PTPRG: variants seen among roughly 807,000 people sequenced by gnomAD.
The protein encoded by PTPRG is receptor-type tyrosine-protein phosphatase gamma.
A neutral mutation model predicts 165.3 loss-of-function variants in PTPRG; 102 were observed. That is an observed-to-expected ratio of 0.62 (90% CI 0.53 to 0.73). PTPRG has a LOEUF of 0.73. Among genes scored for constraint, PTPRG ranks in the 30% least tolerant of loss-of-function variants. PTPRG has a pLI of 0.00. For synonymous variants in PTPRG, 675 were observed against 669.5 expected, an observed-to-expected ratio of 1.01 and a Z score of -0.13; for missense variants, 1,866 against 1,861.4, an observed-to-expected ratio of 1.00 and a Z score of -0.05.
chr3:62,016,808 C>A (rs775242906), intron 4 of PTPRG, among the ~76,000 whole-genome samples: 1 of 152,112 alleles, frequency 6.6e-6, no homozygotes, highest in African/African-American at 2.4e-5. Context: ...CCCTCATTCA[C>A]CCCCACACTT....
chr3:62,053,045 T>C (rs1700513478), intron 4 of PTPRG, among the ~76,000 whole-genome samples: 1 of 152,122 alleles, frequency 6.6e-6, no homozygotes, highest in South Asian at 2.1e-4. Flanking sequence ...CCATTCGCTT[T>C]TCCAGTTTCA....
chr3:61,678,919 CTG>C (rs1286862542), intron 1 of PTPRG, among the ~76,000 whole-genome samples: 2 of 152,084 alleles, frequency 1.3e-5, no homozygotes, highest in Non-Finnish European at 2.9e-5. Flanking sequence ...ATTAGTATCT[CTG>C]TATTATGTGC....
chr3:62,286,822 T>TTAAATGCAAATCCA (rs1702682324), intron 28 of PTPRG, among the ~76,000 whole-genome samples: 1 of 152,152 alleles, frequency 6.6e-6, no homozygotes, highest in Admixed American at 6.5e-5. Context: ...CCCTGTAGTT[T>TTAAATGCAAATCCA]TAAATGCAAA....
At chr3:62,143,327 G>A (rs1247827482) in intron 6 of PTPRG, among the ~76,000 whole-genome samples, 1 of 152,096 alleles carries the variant, frequency 6.6e-6, no homozygotes, top group Non-Finnish European at 1.5e-5. Context: ...AGCGACTTTT[G>A]GGAAAAATGA....
chr3:61,679,003 CTAAGT>C (rs950798587), intron 1 of PTPRG, among the ~76,000 whole-genome samples: 10 of 151,918 alleles, frequency 6.6e-5, no homozygotes, highest in African/African-American at 2.2e-4. Flanking sequence ...GACAGTCATC[CTAAGT>C]TAAGTTTATT....
intron 1 of PTPRG, chr3:61,742,849 A>T: frequency 1.3e-6 from 2 of 1,580,476 alleles, no homozygotes; most frequent in Non-Finnish European, 1.7e-6. Context: ...CAGCGCCTCG[A>T]TGTCCATGTG....
chr3:61,953,207 A>G (rs1265922412), intron 2 of PTPRG, among the ~76,000 whole-genome samples: 1 of 152,136 alleles, frequency 6.6e-6, no homozygotes, highest in Non-Finnish European at 1.5e-5. Flanking sequence ...CTTAGCTTTA[A>G]TCACTTCCTT....
At chr3:61,837,209 G>A (rs1323578666) in intron 2 of PTPRG, among the ~76,000 whole-genome samples, 2 of 152,112 alleles carry the variant, frequency 1.3e-5, no homozygotes, top group Admixed American at 1.3e-4. Flanking sequence ...CACTGGACCT[G>A]GTTAATTTTT....
intron 2 of PTPRG, among the ~76,000 whole-genome samples, chr3:61,805,530 CAAAA>C (rs58646519): frequency 5.1e-4 from 49 of 96,518 alleles, no homozygotes; most frequent in African/African-American, 1.4e-3. Flanking sequence ...ATGGGAAAGA[CAAAA>C]AAAAAAAAAA....
chr3:61,839,359 C>T (rs1335191904), intron 2 of PTPRG, among the ~76,000 whole-genome samples: 1 of 152,160 alleles, frequency 6.6e-6, no homozygotes, highest in Non-Finnish European at 1.5e-5. Context: ...AGAGACTATT[C>T]TATGATACTG....
chr3:62,064,326 CTA>C (rs1012315686), intron 4 of PTPRG, among the ~76,000 whole-genome samples: 2 of 152,154 alleles, frequency 1.3e-5, no homozygotes, highest in Admixed American at 1.3e-4. Flanking sequence ...AGGACACAAA[CTA>C]TACTGAGTTG....
intron 1 of PTPRG, among the ~76,000 whole-genome samples, chr3:61,583,881 A>G (rs1575518171): frequency 6.6e-6 from 1 of 152,126 alleles, no homozygotes; most frequent in African/African-American, 2.4e-5. Context: ...TTTAATGCCT[A>G]CGTTAACCAA....
intron 4 of PTPRG, among the ~76,000 whole-genome samples, chr3:62,032,754 A>G (rs773454000): frequency 2.1e-4 from 32 of 152,350 alleles, no homozygotes; most frequent in Non-Finnish European, 2.8e-4. Flanking sequence ...TTGGATCTAA[A>G]TATATTTTTT....
At chr3:61,951,904 G>A (rs1337399439) in intron 2 of PTPRG, among the ~76,000 whole-genome samples, 1 of 152,108 alleles carries the variant, frequency 6.6e-6, no homozygotes, top group East Asian at 1.9e-4. Flanking sequence ...CAGATCACGA[G>A]GTCAGGAGAT....
chr3:61,882,055 A>G (rs1052217931), intron 2 of PTPRG, among the ~76,000 whole-genome samples: 1 of 152,236 alleles, frequency 6.6e-6, no homozygotes, highest in Non-Finnish European at 1.5e-5. Flanking sequence ...ATTGACTCCT[A>G]GTTACATGCC....
intron 8 of PTPRG, among the ~76,000 whole-genome samples, chr3:62,184,770 T>C (rs1427954023): frequency 6.6e-6 from 1 of 152,208 alleles, no homozygotes; most frequent in Non-Finnish European, 1.5e-5. Context: ...CAGTTTCATC[T>C]GTGTTGACAG....
chr3:62,000,421 C>G (rs778884836), intron 3 of PTPRG, among the ~76,000 whole-genome samples: 1 of 152,110 alleles, frequency 6.6e-6, no homozygotes, highest in Non-Finnish European at 1.5e-5. Flanking sequence ...AAGAACGGTG[C>G]AGACCTAGGC....
In PTPRG at chr3:61,720,084, G is replaced by A. The variant is rs74532257; in HGVS notation, c.86-28794G>A. ...CTTGTTCATTATTTATCCCTCCTCCGTCCTGCTTAGGGGGTAAACACCATG... is the reference window on the plus strand; with the variant it reads ...CTTGTTCATTATTTATCCCTCCTCCATCCTGCTTAGGGGGTAAACACCATG... On this transcript the variant is annotated intron_variant, in intron 1 of 29. Transcript: ENST00000474889. Among the ~76,000 whole-genome samples the A allele has an allele frequency of 7.0e-3, 1,060 of 150,748 alleles. 17 individuals are homozygous for A. Among genetic ancestry groups the A allele is most frequent in the South Asian group, 0.028 (134 of 4,750 alleles).
chr3:62,208,195 CT>C (rs1332565528), intron 12 of PTPRG, among the ~76,000 whole-genome samples: 2 of 152,064 alleles, frequency 1.3e-5, no homozygotes, highest in Non-Finnish European at 2.9e-5. Context: ...TTTCACCAGG[CT>C]TTTTTCTAGC....
Sources: gnomAD v4.1 joint callset for allele counts (sites outside exome capture counted in the v4.1 genomes callset) on GRCh38, gnomAD v4.1.1 for gene constraint, MANE v1.5 for transcripts, NCBI Gene and HGNC (gene_info 2026-07-23, HGNC 2026-07-21) for gene names.